The following MAPK3 variants were observed in gnomAD, a reference collection of about 807,000 sequenced individuals.
MAPK3 encodes the protein MAPK 1.
MAPK3 carries 30 observed loss-of-function variants against 41.8 expected under a neutral mutation model. The observed-to-expected ratio is 0.72, with a 90% CI of 0.54 to 0.97. The LOEUF (loss-of-function observed/expected upper bound fraction) is 0.97. Ranked by LOEUF, MAPK3 falls within the 50% of genes least tolerant of loss-of-function variation. The probability of loss-of-function intolerance (pLI) is 0.00; values close to 1 mark genes in which losing one functional copy is unlikely to be tolerated. For synonymous variants in MAPK3, 222 were observed against 213.4 expected (o/e 1.04, Z -0.35); for missense variants, 413 against 509.9 (o/e 0.81, Z 1.83).
chr16:30,119,629 C>T (rs2072996294), intron 2 of MAPK3, among the ~76,000 whole-genome samples: 1 of 152,064 alleles, frequency 6.6e-6, no homozygotes, highest in African/African-American at 2.4e-5. Context: ...ATCTGGCATG[C>T]AATAAATGTT....
chr16:30,119,168 A>AC (rs1046379508), intron 2 of MAPK3, among the ~76,000 whole-genome samples: 2 of 151,380 alleles, frequency 1.3e-5, no homozygotes, highest in Non-Finnish European at 2.9e-5. Flanking sequence ...AAAAAAAAAA[A>AC]AAACCTACAA....
Position 30,123,159 on chromosome 16 carries a change from G to A in MAPK3, c.51C>T (p.Thr17=). The change falls in exon 1 of 9, where the codon ACC becomes ACT. Residue 17 remains threonine, a synonymous_variant. Transcript: ENST00000263025. ...QGGGGGEPRR[T]EGVGPGVPGE... ...CCGGGACCCCCGGGCCGACCCCCTC[G>A]GTTCTACGGGGCTCCCCGCCCCCGC... 9.5e-6 allele frequency: 14 copies of A among 1,467,658 alleles called. No individual in the cohort carries two copies. Among genetic ancestry groups the A allele is most frequent in the Non-Finnish European group, 1.3e-5 (14 of 1,097,848 alleles). 90.9% of individuals were successfully genotyped at this position (1,467,658 alleles called of 1,614,324 possible).
intron 2 of MAPK3, among the ~76,000 whole-genome samples, chr16:30,119,726 G>A (rs944901215): frequency 6.6e-6 from 1 of 152,232 alleles, no homozygotes; most frequent in East Asian, 1.9e-4. Flanking sequence ...CCACTCAAAG[G>A]AGAGTGCTTG....
rs2151044669 is a variant in MAPK3, at chr16:30,116,787, C to T, written c.1021G>A (p.Val341Met). Residue 341 changes from valine to methionine, a missense_variant, in exon 8 of 9, where the codon GTG becomes ATG. By Grantham distance (21) the Val-to-Met change is conservative. Around this residue, in one of 4 missense-constraint regions of MAPK3, gnomAD observed 123 missense variants for 147.8 expected, o/e 0.83. Coordinates refer to ENST00000263025, the MANE Select transcript of MAPK3 (RefSeq NM_002746.3). ...EQYYDPTDEP[V>M]AEEPFTFAME... ...GCGAAGGTGAAGGGCTCCTCGGCCA[C>T]TGGCTGGGGTGGTAGAGACAGCAAG... 6.2e-7 allele frequency: 1 copy of T among 1,613,924 alleles called. No individual in the cohort carries two copies. The highest frequency in any genetic ancestry group is 2.2e-5 in the East Asian group (1 of 44,848).
In MAPK3 at chr16:30,123,030, G is replaced by A. The variant is rs1184952197; in HGVS notation, c.170+10C>T. ...CTGAGGGCACCCCCTCCCCCGGAAC[G>A]CCCCCTCACCTGACCATGCCGTACG... On this transcript the variant is annotated intron_variant, in intron 1 of 8. Coordinates refer to ENST00000263025, the MANE Select transcript of MAPK3 (RefSeq NM_002746.3). The A allele has an allele frequency of 5.6e-6, 6 of 1,062,474 alleles. No homozygotes were observed. The highest frequency in any genetic ancestry group is 6.1e-6 in the Non-Finnish European group (5 of 822,986). 65.8% of individuals were successfully genotyped at this position (1,062,474 alleles called of 1,614,324 possible).
In MAPK3 at chr16:30,123,165, A is replaced by G; in HGVS notation, c.45T>C (p.Arg15=). ...CCCCCGGGCCGACCCCCTCGGTTCT[A>G]CGGGGCTCCCCGCCCCCGCCCCCCT... ...AAQGGGGGEP[R]RTEGVGPGVP... The change falls in exon 1 of 9, where the codon CGT becomes CGC. Residue 15 remains arginine (R), a synonymous_variant. Coordinates refer to ENST00000263025, the MANE Select transcript of MAPK3 (RefSeq NM_002746.3). 1 of 1,443,700 alleles carries G rather than the reference A, an allele frequency of 6.9e-7. No individual in the cohort carries two copies. Among genetic ancestry groups the G allele is most frequent in the South Asian group, 1.3e-5 (1 of 75,050 alleles). 89.4% of individuals were successfully genotyped at this position (1,443,700 alleles called of 1,614,324 possible).
chr16:30,122,467 G>A (rs2073026435), intron 1 of MAPK3: 1 of 226,676 alleles, frequency 4.4e-6, no homozygotes, highest in South Asian at 5.9e-5. Context: ...GGCTGTCCCA[G>A]AGGGATAGAG....
chr16:30,116,846 C>A (rs41291696), intron 7 of MAPK3, 48 bp downstream of exon 7: 1 of 1,613,164 alleles, frequency 6.2e-7, no homozygotes. Flanking sequence ...CCTACGTGCC[C>A]CCCTGCTCCC....
intron 8 of MAPK3, among the ~76,000 whole-genome samples, chr16:30,115,001 G>A (rs1015825035): frequency 6.6e-6 from 1 of 151,622 alleles, no homozygotes; most frequent in African/African-American, 2.4e-5. Context: ...ACTTTGAGAA[G>A]CTGAGGTGGT....
chr16:30,123,062 C>A lies in MAPK3; in HGVS notation c.148G>T (p.Glu50Ter), dbSNP rs2073033657. 22 of 1,567,962 alleles carry A rather than the reference C, an allele frequency of 1.4e-5. No homozygotes were observed. Among genetic ancestry groups the A allele is most frequent in the Non-Finnish European group, 1.8e-5 (21 of 1,157,990 alleles). ...PRYTQLQYIG[E>*]GAYGMVSSAY... Reference sequence around the variant, plus strand: ...CACCTGACCATGCCGTACGCGCCCTCGCCGATGTACTGCAACTGCGTGTAG... The same window carrying A: ...CACCTGACCATGCCGTACGCGCCCTAGCCGATGTACTGCAACTGCGTGTAG... Residue 50 changes from glutamate to a stop codon, truncating the protein, a stop_gained, in exon 1 of 9, where the codon GAG (glutamate) becomes TAG (stop). Coordinates refer to ENST00000263025, the MANE Select transcript of MAPK3 (RefSeq NM_002746.3). LOFTEE classifies it high-confidence loss of function.
intron 2 of MAPK3, 111 bp downstream of exon 2, chr16:30,121,713 G>T: frequency 2.6e-6 from 3 of 1,140,858 alleles, no homozygotes; most frequent in Non-Finnish European, 2.5e-6. Context: ...TTATTTTACT[G>T]GGTTTGTTTT....
chr16:30,121,131 C>CA (rs2073011306), intron 2 of MAPK3, among the ~76,000 whole-genome samples: 1 of 152,020 alleles, frequency 6.6e-6, no homozygotes, highest in Admixed American at 6.6e-5. Flanking sequence ...AGTTTTGAGA[C>CA]AGAGTCTCGC....
At chr16:30,118,675 C>T (rs1858176196) in intron 2 of MAPK3, 137 bp from the exon 3 acceptor site, 3 of 634,940 alleles carry the variant, frequency 4.7e-6, no homozygotes, top group Non-Finnish European at 7.9e-6. Flanking sequence ...CCAACCTGCA[C>T]CACCAGCTGG....
intron 8 of MAPK3, among the ~76,000 whole-genome samples, chr16:30,115,219 A>G (rs563277290): frequency 6.6e-6 from 1 of 152,218 alleles, no homozygotes; most frequent in East Asian, 1.9e-4. Context: ...ACACTGTCTC[A>G]AAAAAACAAA....
At chr16:30,120,079 G>A (rs80173729) in intron 2 of MAPK3, among the ~76,000 whole-genome samples, 1 of 152,220 alleles carries the variant, frequency 6.6e-6, no homozygotes, top group Non-Finnish European at 1.5e-5. Context: ...TGAGGCAGGA[G>A]AATAGCTTGA....
rs1306847626 is a variant in MAPK3 at position 30,114,392 on chromosome 16, C to T, written c.*349G>A. 1.3e-5 allele frequency: 2 copies of T among 152,716 alleles called. No individual in the cohort carries two copies. Among genetic ancestry groups the T allele is most frequent in the African/African-American group, 2.4e-5 (1 of 41,404 alleles). The allele number at this position is 152,716 out of a possible 1,614,324, so 9.5% of individuals were successfully genotyped here. On this transcript the variant is annotated 3_prime_UTR_variant, in exon 9 of 9. Coordinates refer to ENST00000263025, the MANE Select transcript of MAPK3 (RefSeq NM_002746.3). ...GTCCCTACTCAGCGCCCCCCACCCT[C>T]CACCTCTGCCCTTCAGCAGGTTGGG...
intron 2 of MAPK3, among the ~76,000 whole-genome samples, chr16:30,120,456 G>A (rs78564187): frequency 0.1 from 15,555 of 152,104 alleles, 1,083 homozygotes; most frequent in African/African-American, 0.19. Flanking sequence ...AGTTGCTAAG[G>A]AGAGCCAGAC....
At chr16:30,116,167 T>C (rs941329955) in intron 8 of MAPK3, among the ~76,000 whole-genome samples, 5 of 150,974 alleles carry the variant, frequency 3.3e-5, no homozygotes, top group African/African-American at 4.9e-5. Flanking sequence ...CCTGAGTAGC[T>C]GGGACTAGAA....
At chr16:30,123,015 C>A in intron 1 of MAPK3, 25 bp downstream of exon 1, 1 of 1,470,270 alleles carries the variant, frequency 6.8e-7, no homozygotes. Flanking sequence ...CTGAGGGCAC[C>A]CCCTCCCCCG....
Sources: allele counts gnomAD v4.1 joint callset (sites outside exome capture counted in the v4.1 genomes callset), GRCh38; gene constraint gnomAD v4.1.1; regional missense constraint gnomAD v4.1.1; transcripts MANE v1.5; gene names NCBI Gene and HGNC (gene_info 2026-07-23, HGNC 2026-07-21).